Variants in LAMA2 observed in about 807,000 individuals in gnomAD.
LAMA2 encodes laminin subunit alpha 2, also known as laminin subunit alpha-2.
In LAMA2, 269 loss-of-function variants were observed where a neutral mutation model predicts 364.8. The ratio of observed to expected loss-of-function variants is 0.74; its 90% confidence interval spans 0.67 to 0.82. The LOEUF (loss-of-function observed/expected upper bound fraction) is 0.82. LAMA2 is among the 40% of genes least tolerant of loss of function. LAMA2 has a pLI of 0.00. For synonymous variants in LAMA2, 1,379 were observed against 1,370.6 expected (o/e 1.01, Z -0.14); for missense variants, 3,807 against 3,873.2 (o/e 0.98, Z 0.45).
intron 41 of LAMA2, among the ~76,000 whole-genome samples, chr6:129,432,660 A>G (rs886950324): frequency 1.3e-5 from 2 of 152,116 alleles, no homozygotes; most frequent in Non-Finnish European, 2.9e-5. Context: ...ACCAAAGACT[A>G]TTTGTCTTAT....
chr6:129,433,442 C>T (rs1781695864), intron 41 of LAMA2, among the ~76,000 whole-genome samples: 1 of 152,148 alleles, frequency 6.6e-6, no homozygotes, highest in Admixed American at 6.6e-5. Context: ...TTAGAAATCT[C>T]AAGAAGCCAA....
intron 1 of LAMA2, among the ~76,000 whole-genome samples, chr6:128,909,175 A>C (rs1451437103): frequency 6.6e-6 from 1 of 151,856 alleles, no homozygotes; most frequent in African/African-American, 2.4e-5. Flanking sequence ...AGCTGAGTTC[A>C]ATTCCTGGGT....
chr6:129,223,730 G>C (rs748481577), intron 12 of LAMA2, among the ~76,000 whole-genome samples: 32 of 152,186 alleles, frequency 2.1e-4, no homozygotes, highest in Admixed American at 5.2e-4. Context: ...GTACCATGCT[G>C]TTTTGGTTAC....
chr6:129,416,729 C>T (rs1780810841), intron 40 of LAMA2, among the ~76,000 whole-genome samples: 1 of 151,838 alleles, frequency 6.6e-6, no homozygotes, highest in Admixed American at 6.6e-5. Flanking sequence ...CCCACTCAGC[C>T]TGGCAGGCTA....
chr6:129,222,181 G>T (rs543855100), intron 12 of LAMA2, among the ~76,000 whole-genome samples: 3 of 151,994 alleles, frequency 2.0e-5, no homozygotes, highest in African/African-American at 7.3e-5. Context: ...ATAAGCCAGG[G>T]AATACAATGG....
chr6:129,490,413 T>A (rs1019620405), intron 56 of LAMA2, among the ~76,000 whole-genome samples: 5 of 152,112 alleles, frequency 3.3e-5, no homozygotes, highest in African/African-American at 1.2e-4. Context: ...TTAAAAAAAA[T>A]AAGGGTCACT....
At chr6:129,295,970 T>A (rs1343624529) in intron 20 of LAMA2, among the ~76,000 whole-genome samples, 2 of 151,982 alleles carry the variant, frequency 1.3e-5, no homozygotes, top group South Asian at 4.1e-4. Flanking sequence ...TGTTTCTGTT[T>A]GTGTGTCTGG....
intron 1 of LAMA2, among the ~76,000 whole-genome samples, chr6:128,900,835 C>T (rs144999189): frequency 6.6e-6 from 1 of 152,272 alleles, no homozygotes; most frequent in East Asian, 1.9e-4. Context: ...TCCCCTCTTT[C>T]ACTAAGGTAT....
At chr6:129,265,165 G>A (rs983320788) in intron 15 of LAMA2, among the ~76,000 whole-genome samples, 3 of 152,110 alleles carry the variant, frequency 2.0e-5, no homozygotes, top group Non-Finnish European at 4.4e-5. Context: ...TTAGGAGGAA[G>A]GACCCCACAT....
chr6:129,427,400 G>A (rs1271309575), intron 40 of LAMA2, among the ~76,000 whole-genome samples: 7 of 152,076 alleles, frequency 4.6e-5, no homozygotes, highest in African/African-American at 9.7e-5. Flanking sequence ...TTACAACACC[G>A]CCAGTTATCA....
At position 129,050,409 on chromosome 6, in the gene LAMA2, A is replaced by C. The variant is rs9388680; in HGVS notation, c.283+321A>C. 1.5e-3 allele frequency among the ~76,000 whole-genome samples: 236 copies of C among 152,298 alleles called. 3 individuals are homozygous for C. In the East Asian group the frequency reaches 0.04, roughly 26 times the overall value. ...GGCTGTCATCATTCATTGGTAATTT[A>C]TGTGCCAGATATTGTGCCTGAGATC... On this transcript the variant is annotated intron_variant, in intron 2 of 64. Transcript: ENST00000421865.
chr6:128,955,006 C>G (rs903685654), intron 1 of LAMA2, among the ~76,000 whole-genome samples: 1 of 151,576 alleles, frequency 6.6e-6, no homozygotes, highest in Non-Finnish European at 1.5e-5. Context: ...ATAAGAATCA[C>G]TCCTCACAAG....
chr6:128,997,349 AGAAAGAAC>A (rs1295024950), intron 1 of LAMA2, among the ~76,000 whole-genome samples: 7 of 103,806 alleles, frequency 6.7e-5, no homozygotes, highest in East Asian at 6.0e-4. Context: ...AAAGAAAGAA[AGAAAGAAC>A]GAAAGAAAGA....
chr6:129,039,852 T>G (rs1786963017), intron 1 of LAMA2, among the ~76,000 whole-genome samples: 1 of 152,186 alleles, frequency 6.6e-6, no homozygotes, highest in Non-Finnish European at 1.5e-5. Context: ...GTGGTAATGC[T>G]TGTTTGCCAG....
chr6:129,177,924 C>A, intron 10 of LAMA2, 58 bp downstream of exon 10: 1 of 1,543,916 alleles, frequency 6.5e-7, no homozygotes, highest in South Asian at 1.1e-5. Flanking sequence ...TTTTTCTTGG[C>A]TTCTCTGTTG....
At chr6:129,390,448 T>C (rs904859096) in intron 35 of LAMA2, among the ~76,000 whole-genome samples, 2 of 152,020 alleles carry the variant, frequency 1.3e-5, no homozygotes, top group African/African-American at 4.8e-5. Flanking sequence ...TCTCCAAGAA[T>C]AGAAATTAAT....
intron 30 of LAMA2, among the ~76,000 whole-genome samples, chr6:129,346,096 C>T (rs1380358899): frequency 6.6e-6 from 1 of 152,182 alleles, no homozygotes; most frequent in African/African-American, 2.4e-5. Context: ...CTTACCAAAA[C>T]AAATATGGTA....
chr6:129,408,861 G>A (rs1780382674), intron 40 of LAMA2, among the ~76,000 whole-genome samples: 2 of 152,164 alleles, frequency 1.3e-5, no homozygotes, highest in South Asian at 4.2e-4. Context: ...CACAGAATGA[G>A]TCATCCTATC....
At chr6:129,352,703 G>A (rs1215740984) in intron 31 of LAMA2, among the ~76,000 whole-genome samples, 3 of 152,062 alleles carry the variant, frequency 2.0e-5, no homozygotes, top group Non-Finnish European at 4.4e-5. Flanking sequence ...GACAAACTAT[G>A]ACCCACAGGC....
Sources: gnomAD v4.1 joint callset for allele counts (sites outside exome capture counted in the v4.1 genomes callset) on GRCh38, gnomAD v4.1.1 for gene constraint, MANE v1.5 for transcripts, NCBI Gene and HGNC (gene_info 2026-07-23, HGNC 2026-07-21) for gene names.